XIST: variants seen among roughly 807,000 people sequenced by gnomAD.
XIST encodes the protein X inactive specific transcript.
At chrX:73,849,439 G>A (rs745783101) in exon 1 of XIST, 2 of 558,975 alleles carry the variant, frequency 3.6e-6, no homozygotes, top group South Asian at 4.4e-5. Flanking sequence ...GGCCAACACA[G>A]TACACAAGAA....
chrX:73,846,515 G>A (rs754679387), exon 1 of XIST: 15 of 557,666 alleles, frequency 2.7e-5, no homozygotes, highest in African/African-American at 2.7e-4. Context: ...TGCAAAAGGG[G>A]TCGGAGAGTA....
exon 6 of XIST, chrX:73,822,174 C>T: frequency 1.8e-6 from 1 of 558,749 alleles, no homozygotes. Flanking sequence ...CATCATCCCT[C>T]CTGCTGCCCA....
chrX:73,830,975 C>T (rs754076308), intron 4 of XIST: 23 of 477,555 alleles, frequency 4.8e-5, no homozygotes, highest in African/African-American at 3.7e-4. Context: ...ATGATGAATA[C>T]GACCTCAGTG....
intron 1 of XIST, chrX:73,841,241 T>C: frequency 2.7e-6 from 1 of 373,212 alleles, no homozygotes; most frequent in Non-Finnish European, 4.6e-6. Context: ...TCTATTTCTC[T>C]CTCTATATAT....
At chrX:73,822,632 G>A (rs1470264437) in exon 6 of XIST, 1 of 518,131 alleles carries the variant, frequency 1.9e-6, no homozygotes, top group Non-Finnish European at 3.5e-6. Context: ...TAACAAAATG[G>A]TTGAGATAAC....
rs371712761 is a variant in XIST at position 73,851,467 on chromosome X, G to C, written n.1257C>G. 9 of 557,230 alleles carry C rather than the reference G, an allele frequency of 1.6e-5. No homozygotes were observed. In the African/African-American group the frequency reaches 1.8e-4, roughly 11 times the overall value. 45.9% of individuals were successfully genotyped at this position (557,230 alleles called of 1,213,427 possible). A position where few individuals can be genotyped will look rare whatever the true frequency, so the allele number is the denominator to read the frequency against. On this transcript the variant is annotated non_coding_transcript_exon_variant, in exon 1 of 6. Coordinates refer to ENST00000429829, the Ensembl canonical transcript of XIST. ...TCATGATGTGGCCTTCCCGCCACTTGAACACTGCGACAGAACTGGATCCGC... is the reference window on the plus strand; with the variant it reads ...TCATGATGTGGCCTTCCCGCCACTTCAACACTGCGACAGAACTGGATCCGC...
exon 6 of XIST, chrX:73,821,859 T>C (rs1393620479): frequency 1.8e-6 from 1 of 548,504 alleles, no homozygotes; most frequent in Non-Finnish European, 3.3e-6. Flanking sequence ...TCCACTGATA[T>C]TATTCTACTA....
chrX:73,821,592 A>AACCTG (rs1484773297), exon 6 of XIST: 1 of 555,908 alleles, frequency 1.8e-6, no homozygotes, highest in East Asian at 3.3e-5. Context: ...GAACAATTTA[A>AACCTG]ACCTGGAGCT....
At chrX:73,831,128 G>C (rs1316424488) in exon 4 of XIST, 1 of 558,143 alleles carries the variant, frequency 1.8e-6, no homozygotes, top group Non-Finnish European at 3.2e-6. Context: ...AAAGTATCTT[G>C]ACAGAACCTC....
chrX:73,822,480 A>G (rs763984500), exon 6 of XIST: 20 of 512,956 alleles, frequency 3.9e-5, no homozygotes, highest in Non-Finnish European at 6.6e-5. Context: ...CCAAGTACCT[A>G]TTGGCACCCG....
At chrX:73,837,741 C>T (rs1432489022) in intron 1 of XIST, among the ~76,000 whole-genome samples, 2 of 111,280 alleles carry the variant, frequency 1.8e-5, no homozygotes, top group African/African-American at 6.5e-5. Context: ...AATCTCCCAA[C>T]CAGTTGCTGA....
exon 6 of XIST, chrX:73,820,799 A>C (rs761593438): frequency 3.6e-6 from 2 of 558,263 alleles, no homozygotes; most frequent in South Asian, 4.5e-5. Flanking sequence ...GCAAAGACTC[A>C]AAAGAGATTC....
intron 4 of XIST, among the ~76,000 whole-genome samples, chrX:73,829,645 C>A (rs761852810): frequency 9.1e-6 from 1 of 109,587 alleles, no homozygotes; most frequent in South Asian, 4.0e-4. Context: ...ACAAAATTAG[C>A]CGGGCGTGGT....
chrX:73,823,050 G>C (rs763258282), exon 6 of XIST: 1 of 551,913 alleles, frequency 1.8e-6, no homozygotes, highest in African/African-American at 2.3e-5. Context: ...AAATGCAAAA[G>C]AATCTTTTTT....
At chrX:73,823,665 T>G in exon 6 of XIST, 1 of 558,884 alleles carries the variant, frequency 1.8e-6, no homozygotes, top group Non-Finnish European at 3.2e-6. Flanking sequence ...CACAACACCT[T>G]GTTTTTTGCA....
At chrX:73,824,567 T>C (rs773966813) in exon 6 of XIST, 2 of 553,571 alleles carry the variant, frequency 3.6e-6, no homozygotes, top group African/African-American at 2.2e-5. Context: ...TAACTACTTA[T>C]AGAACCCTTC....
exon 1 of XIST, chrX:73,851,672 C>G (rs951817907): frequency 3.6e-6 from 2 of 557,292 alleles, no homozygotes; most frequent in African/African-American, 4.5e-5. Flanking sequence ...AAGCTCCTAA[C>G]AAGCCCCAAA....
At chrX:73,826,323 G>GT (rs1324672285) in exon 6 of XIST, 5 of 559,085 alleles carry the variant, frequency 8.9e-6, no homozygotes, top group African/African-American at 2.2e-5. Context: ...CTGAAATACA[G>GT]TATCACCTAT....
At chrX:73,846,509 A>C (rs749108425) in exon 1 of XIST, 1 of 557,734 alleles carries the variant, frequency 1.8e-6, no homozygotes, top group Non-Finnish European at 3.2e-6. Context: ...CTGTATTGCA[A>C]AAGGGGTCGG....
Sources: allele counts gnomAD v4.1 joint callset (sites outside exome capture counted in the v4.1 genomes callset), GRCh38; gene constraint gnomAD v4.1.1; transcripts MANE v1.5; gene names NCBI Gene and HGNC (gene_info 2026-07-23, HGNC 2026-07-21).